CREB5: variants seen among roughly 807,000 people sequenced by gnomAD.
CREB5 encodes the protein cyclic AMP-responsive element-binding protein 5.
In CREB5, 19 loss-of-function variants were observed where a neutral mutation model predicts 57.1. The observed-to-expected ratio is 0.33, with a 90% CI of 0.23 to 0.49. The LOEUF (loss-of-function observed/expected upper bound fraction) is 0.49. CREB5 is among the 20% of genes least tolerant of loss of function. The pLI is 0.99. For synonymous variants in CREB5, 238 were observed against 238.3 expected, an observed-to-expected ratio of 1.00 and a Z score of 0.01; for missense variants, 579 against 671.6, an observed-to-expected ratio of 0.86 and a Z score of 1.52.
At chr7:28,317,934 C>T (rs1194114878) in intron 1 of CREB5, among the ~76,000 whole-genome samples, 3 of 152,156 alleles carry the variant, frequency 2.0e-5, no homozygotes, top group Admixed American at 1.3e-4. Context: ...CAACTATCAG[C>T]AGAGAAAGAT....
chr7:28,356,696 G>C (rs547079800), intron 1 of CREB5, among the ~76,000 whole-genome samples: 4 of 152,278 alleles, frequency 2.6e-5, no homozygotes, highest in Admixed American at 2.0e-4. Context: ...GGTACTCCTG[G>C]GGCAGGGAGA....
intron 3 of CREB5, among the ~76,000 whole-genome samples, chr7:28,506,850 C>T (rs1337731422): frequency 1.3e-5 from 2 of 152,166 alleles, no homozygotes; most frequent in Non-Finnish European, 2.9e-5. Flanking sequence ...ACTGCAAATG[C>T]TGCATATATA....
chr7:28,365,411 A>ACCTTTCCTCCCGGAATTATCC (rs1265212402), intron 1 of CREB5, among the ~76,000 whole-genome samples: 1 of 151,908 alleles, frequency 6.6e-6, no homozygotes, highest in Non-Finnish European at 1.5e-5. Flanking sequence ...CGGAATTATC[A>ACCTTTCCTCCCGGAATTATCC]CCTTTCCTCC....
chr7:28,351,315 T>C (rs1786180466), intron 1 of CREB5, among the ~76,000 whole-genome samples: 1 of 152,170 alleles, frequency 6.6e-6, no homozygotes, highest in African/African-American at 2.4e-5. Context: ...TTCAAAGTGC[T>C]CCATGTCCTC....
At chr7:28,662,697 C>T (rs1233099547) in intron 5 of CREB5, among the ~76,000 whole-genome samples, 1 of 152,148 alleles carries the variant, frequency 6.6e-6, no homozygotes, top group Non-Finnish European at 1.5e-5. Flanking sequence ...GAGGAAGTTC[C>T]GTCTCTGTTT....
intron 7 of CREB5, among the ~76,000 whole-genome samples, chr7:28,799,177 T>C (rs1808226184): frequency 6.6e-6 from 1 of 152,220 alleles, no homozygotes; most frequent in Admixed American, 6.5e-5. Flanking sequence ...TAATCACTTA[T>C]CTTCACTGCA....
intron 1 of CREB5, among the ~76,000 whole-genome samples, chr7:28,485,531 A>G (rs1791511911): frequency 6.6e-6 from 1 of 152,230 alleles, no homozygotes; most frequent in Admixed American, 6.5e-5. Flanking sequence ...ACAACACACA[A>G]ATATACAGAC....
intron 5 of CREB5, among the ~76,000 whole-genome samples, chr7:28,694,138 C>G (rs975271309): frequency 6.6e-6 from 1 of 152,186 alleles, no homozygotes; most frequent in Non-Finnish European, 1.5e-5. Context: ...GCATCTGCCT[C>G]TTCTTGACCT....
At chr7:28,567,993 A>T (rs570533341) in intron 4 of CREB5, among the ~76,000 whole-genome samples, 6 of 152,314 alleles carry the variant, frequency 3.9e-5, no homozygotes, top group African/African-American at 1.4e-4. Context: ...GCATTTTGAG[A>T]TCACAGTGGC....
At chr7:28,500,652 T>C (rs1218498101) in intron 3 of CREB5, among the ~76,000 whole-genome samples, 1 of 152,218 alleles carries the variant, frequency 6.6e-6, no homozygotes, top group African/African-American at 2.4e-5. Context: ...AAGAGGCTAA[T>C]CATGATCATC....
intron 9 of CREB5, among the ~76,000 whole-genome samples, chr7:28,810,020 C>CCAAGATTTGAATCTT (rs1562656887): frequency 2.6e-5 from 4 of 152,134 alleles, no homozygotes. Flanking sequence ...TGCCAACTCA[C>CCAAGATTTGAATCTT]CAAGATTTGA....
chr7:28,439,986 T>C (rs535388595), intron 1 of CREB5, among the ~76,000 whole-genome samples: 3 of 152,304 alleles, frequency 2.0e-5, no homozygotes, highest in South Asian at 4.1e-4. Flanking sequence ...GAAACACTTG[T>C]CTGTGCTTAG....
At chr7:28,787,106 G>A (rs1380600447) in intron 7 of CREB5, among the ~76,000 whole-genome samples, 1 of 152,132 alleles carries the variant, frequency 6.6e-6, no homozygotes, top group African/African-American at 2.4e-5. Flanking sequence ...TGAGAAGGTT[G>A]GCAGATCCTA....
chr7:28,507,448 G>A (rs1018533213), intron 3 of CREB5, among the ~76,000 whole-genome samples, 168 bp from the exon 4 acceptor site: 2 of 152,106 alleles, frequency 1.3e-5, no homozygotes, highest in African/African-American at 2.4e-5. Context: ...CGGAATTTAC[G>A]GTTTTATTTT....
chr7:28,660,966 T>C, intron 5 of CREB5, among the ~76,000 whole-genome samples: 1 of 152,190 alleles, frequency 6.6e-6, no homozygotes, highest in East Asian at 1.9e-4. Context: ...TGGCAATTTC[T>C]TGTCATCAGT....
chr7:28,656,130 A>C (rs1342695938), intron 5 of CREB5, among the ~76,000 whole-genome samples: 1 of 152,244 alleles, frequency 6.6e-6, no homozygotes, highest in East Asian at 1.9e-4. Flanking sequence ...CTTTACCCCT[A>C]TGTGGACTGG....
chr7:28,458,490 T>C (rs1485747525), intron 1 of CREB5, among the ~76,000 whole-genome samples: 1 of 152,234 alleles, frequency 6.6e-6, no homozygotes, highest in Non-Finnish European at 1.5e-5. Context: ...CCTTTTACTA[T>C]TATTTAATTT....
At chr7:28,361,514 T>C (rs1786483028) in intron 1 of CREB5, among the ~76,000 whole-genome samples, 1 of 152,170 alleles carries the variant, frequency 6.6e-6, no homozygotes. Flanking sequence ...TGACCTGACA[T>C]TGGCCAAATA....
intron 1 of CREB5, among the ~76,000 whole-genome samples, chr7:28,448,063 A>G (rs1361476040): frequency 6.6e-6 from 1 of 152,112 alleles, no homozygotes; most frequent in Non-Finnish European, 1.5e-5. Context: ...AGGCAGATCC[A>G]CCCTTAATCT....
Sources: gnomAD v4.1 joint callset for allele counts (sites outside exome capture counted in the v4.1 genomes callset) on GRCh38, gnomAD v4.1.1 for gene constraint, MANE v1.5 for transcripts, NCBI Gene and HGNC (gene_info 2026-07-23, HGNC 2026-07-21) for gene names.